Variants in TEX9 observed in about 807,000 individuals in gnomAD.
TEX9 encodes the protein testis-expressed protein 9.
Under a neutral mutation model 59.6 loss-of-function variants are expected in TEX9, and 74 were observed. The observed-to-expected ratio is 1.24, with a 90% CI of 1.03 to 1.51. TEX9 has a LOEUF of 1.51. TEX9 is among the 40% of genes most tolerant of loss of function. The pLI is 0.00. For missense variants in TEX9, 522 were observed against 447.8 expected (o/e 1.17, Z -1.49); for synonymous variants, 186 against 152.2 (o/e 1.22, Z -1.64).
At chr15:56,322,106 C>T (rs1402752118) in intron 1 of TEX9, among the ~76,000 whole-genome samples, 1 of 151,962 alleles carries the variant, frequency 6.6e-6, no homozygotes, top group African/African-American at 2.4e-5. Flanking sequence ...ACCATGTCCA[C>T]CTCCGAGGAA....
At chr15:56,289,498 G>C (rs2045034916) in intron 1 of TEX9, among the ~76,000 whole-genome samples, 1 of 152,100 alleles carries the variant, frequency 6.6e-6, no homozygotes. Flanking sequence ...GTCAGCTGGG[G>C]GTTGTGTTGA....
At chr15:56,344,318 T>A (rs532719063) in intron 1 of TEX9, among the ~76,000 whole-genome samples, 3 of 152,226 alleles carry the variant, frequency 2.0e-5, no homozygotes, top group Non-Finnish European at 4.4e-5. Flanking sequence ...ATCTATATAA[T>A]GGAATATTAT....
intron 1 of TEX9, among the ~76,000 whole-genome samples, chr15:56,261,144 A>G (rs2044255584): frequency 6.6e-6 from 1 of 152,040 alleles, no homozygotes; most frequent in South Asian, 2.1e-4. Flanking sequence ...AGAGTTTATC[A>G]AATCTATTGA....
At chr15:56,458,969 T>C in the TEX9 span, among the ~76,000 whole-genome samples, 2 of 152,226 alleles carry the variant, frequency 1.3e-5, no homozygotes, top group South Asian at 2.1e-4. Flanking sequence ...ATAAATGCTA[T>C]AGATATATAT....
At chr15:56,415,666 C>T (rs914636779) in intron 10 of TEX9, among the ~76,000 whole-genome samples, 30 of 151,834 alleles carry the variant, frequency 2.0e-4, no homozygotes, top group Middle Eastern at 3.2e-3. Context: ...AGTTTGAAGT[C>T]ACACAGTGTG....
intron 1 of TEX9, among the ~76,000 whole-genome samples, chr15:56,356,026 C>G (rs76124956): frequency 0.11 from 16,834 of 151,962 alleles, 1,301 homozygotes; most frequent in East Asian, 0.38. Context: ...TCGCCAACTA[C>G]TTTCATGAAT....
chr15:56,339,242 G>A (rs1413916278), intron 1 of TEX9, among the ~76,000 whole-genome samples: 1 of 151,484 alleles, frequency 6.6e-6, no homozygotes, highest in Non-Finnish European at 1.5e-5. Flanking sequence ...AATTAGCCGG[G>A]TGTGGTGGTG....
rs148875412 is a variant in TEX9 at position 56,436,172 on chromosome 15, C to T, written c.*29+7699C>T. 4.3e-3 allele frequency among the ~76,000 whole-genome samples: 647 copies of T among 152,192 alleles called. 3 individuals carry two copies. Among genetic ancestry groups the T allele is most frequent in the African/African-American group, 0.014 (571 of 41,544 alleles). On this transcript the variant is annotated intron_variant, in intron 12 of 12. Transcript: ENST00000352903. The stretch of plus-strand genomic sequence containing the variant: ...ATATACATTCTTCTCAGCACCACAC[C>T]GCACTTATTCCAAAGTTGACCACAT...
chr15:56,427,767 C>A, intron 11 of TEX9, 28 bp downstream of exon 11: 1 of 1,411,010 alleles, frequency 7.1e-7, no homozygotes, highest in South Asian at 1.6e-5. Flanking sequence ...GTTAAATCAT[C>A]ATATTATTTG....
chr15:56,275,430 C>T (rs1022641056), intron 1 of TEX9, among the ~76,000 whole-genome samples: 1 of 152,196 alleles, frequency 6.6e-6, no homozygotes, highest in Non-Finnish European at 1.5e-5. Flanking sequence ...CTAACGAACA[C>T]CTCATGAGCC....
At position 56,394,261 on chromosome 15, in the gene TEX9, A is replaced by G; in HGVS notation, c.654+14A>G. 1.3e-6 allele frequency: 2 copies of G among 1,584,610 alleles called. No homozygotes were observed. The highest frequency in any genetic ancestry group is 1.7e-6 in the Non-Finnish European group (2 of 1,165,880). On this transcript the variant is annotated intron_variant, in intron 8 of 12. Coordinates refer to ENST00000352903, the Ensembl canonical transcript of TEX9. The stretch of plus-strand genomic sequence containing the variant: ...TGCAATAAAAAGGTAAGTTTTAAAA[A>G]CCTCTTAAAAGGCTCTAATATTCAA...
intron 10 of TEX9, among the ~76,000 whole-genome samples, chr15:56,413,599 CTATAAATTT>C (rs1180181825): frequency 1.3e-5 from 2 of 151,476 alleles, no homozygotes; most frequent in Non-Finnish European, 2.9e-5. Context: ...CTTTCTGTCT[CTATAAATTT>C]GACTGCTCTA....
the TEX9 span, chr15:56,456,366 T>C: frequency 6.3e-7 from 1 of 1,585,334 alleles, no homozygotes. Context: ...AAAGACTAAA[T>C]AAATGAAATT....
chr15:56,298,824 A>G (rs1418671189), intron 1 of TEX9, among the ~76,000 whole-genome samples: 3 of 152,166 alleles, frequency 2.0e-5, no homozygotes, highest in African/African-American at 7.2e-5. Context: ...AGTACTTAAC[A>G]CAGTGTCCAA....
At chr15:56,371,664 G>C (rs1464645498) in intron 2 of TEX9, among the ~76,000 whole-genome samples, 2 of 152,052 alleles carry the variant, frequency 1.3e-5, no homozygotes, top group African/African-American at 4.8e-5. Context: ...TTCTAGATGA[G>C]TAAATGTTCC....
Position 56,293,757 on chromosome 15 carries a change from C to G in TEX9, c.-107+49479C>G, listed in dbSNP as rs539528678. On this transcript the variant is annotated intron_variant, in intron 1 of 5. Transcript: ENST00000560827. ...TTACCAAAGGTTTGTGTGAGCTTCC[C>G]TGGCCAGCCATGTGTGTCTCACATT... Among the ~76,000 whole-genome samples the G allele has an allele frequency of 3.3e-5, 5 of 152,314 alleles. No individual in the cohort carries two copies. The South Asian group carries it at 1.0e-3, about 32-fold the overall frequency.
intron 12 of TEX9, among the ~76,000 whole-genome samples, chr15:56,433,221 A>T (rs1255794355): frequency 7.5e-6 from 1 of 133,744 alleles, no homozygotes; most frequent in Non-Finnish European, 1.6e-5. Flanking sequence ...ACATGGACAC[A>T]GGGAGAGGAA....
At chr15:56,329,859 G>C (rs568159491) in intron 1 of TEX9, among the ~76,000 whole-genome samples, 73 of 152,136 alleles carry the variant, frequency 4.8e-4, no homozygotes, top group African/African-American at 1.7e-3. Context: ...AAGTTTATTT[G>C]AAGGGTTACT....
intron 1 of TEX9, among the ~76,000 whole-genome samples, chr15:56,316,502 C>G (rs1278707437): frequency 6.7e-6 from 1 of 149,920 alleles, no homozygotes; most frequent in Non-Finnish European, 1.5e-5. Flanking sequence ...AGGCAGTCTG[C>G]CCGTTCTCAG....
Sources: allele counts gnomAD v4.1 joint callset (sites outside exome capture counted in the v4.1 genomes callset), GRCh38; gene constraint gnomAD v4.1.1; transcripts MANE v1.5; gene names NCBI Gene and HGNC (gene_info 2026-07-23, HGNC 2026-07-21).